The following RIMKLB variants were observed in gnomAD, a reference collection of about 807,000 sequenced individuals.
The protein encoded by RIMKLB is ribosomal modification protein rimK like family member B, also known as beta-citrylglutamate synthase B.
In RIMKLB, 7 loss-of-function variants were observed where a neutral mutation model predicts 32.0. The ratio of observed to expected loss-of-function variants is 0.22; its 90% CI spans 0.12 to 0.41. The LOEUF is 0.41. Among genes scored for constraint, RIMKLB ranks in the 10% least tolerant of loss-of-function variants. The pLI, the probability that RIMKLB is intolerant of heterozygous loss-of-function variation, is 1.00. For missense variants in RIMKLB, 289 were observed against 498.7 expected (o/e 0.58, Z 4.00); for synonymous variants, 172 against 185.1 (o/e 0.93, Z 0.57).
intron 4 of RIMKLB, among the ~76,000 whole-genome samples, 166 bp from the exon 5 acceptor site, chr12:8,753,724 A>G (rs1297306557): frequency 6.6e-6 from 1 of 152,138 alleles, no homozygotes; most frequent in Non-Finnish European, 1.5e-5. Flanking sequence ...GTCTTTATAT[A>G]TTTTTGTATT....
downstream of RIMKLB, chr12:8,779,013 T>C (rs2241026): frequency 3.5e-4 from 53 of 152,264 alleles, no homozygotes; most frequent in East Asian, 8.5e-3. Context: ...ATCTGTTGAA[T>C]TGGAATTTAC....
upstream of RIMKLB, among the ~76,000 whole-genome samples, chr12:8,693,632 A>G (rs1468343596): frequency 1.3e-5 from 2 of 151,984 alleles, no homozygotes; most frequent in African/African-American, 4.8e-5. Context: ...TCCCGACCTT[A>G]GGTGATCCGC....
At chr12:8,703,877 TACTC>T (rs1041692039) in intron 1 of RIMKLB, among the ~76,000 whole-genome samples, 3 of 152,230 alleles carry the variant, frequency 2.0e-5, no homozygotes, top group African/African-American at 7.2e-5. Flanking sequence ...TACATATAAT[TACTC>T]AGTATGTGAA....
intron 1 of RIMKLB, among the ~76,000 whole-genome samples, chr12:8,682,803 T>TAAAAAAAAAAA: frequency 7.6e-6 from 1 of 132,426 alleles, no homozygotes; most frequent in Non-Finnish European, 1.6e-5. Context: ...ATAAATAAAT[T>TAAAAAAAAAAA]AAAAAAAAAA....
chr12:8,766,627 A>G (rs1442773130), intron 5 of RIMKLB, among the ~76,000 whole-genome samples: 1 of 152,214 alleles, frequency 6.6e-6, no homozygotes, highest in African/African-American at 2.4e-5. Context: ...TGCTTCCACA[A>G]GATTCTCCCT....
At chr12:8,683,232 G>A (rs913741476) in intron 1 of RIMKLB, among the ~76,000 whole-genome samples, 4 of 152,170 alleles carry the variant, frequency 2.6e-5, no homozygotes, top group Non-Finnish European at 5.9e-5. Context: ...TCATGTGCAG[G>A]TTTTTGTGTG....
intron 1 of RIMKLB, among the ~76,000 whole-genome samples, chr12:8,703,756 C>G (rs1016007953): frequency 1.3e-5 from 2 of 152,180 alleles, no homozygotes; most frequent in Non-Finnish European, 2.9e-5. Flanking sequence ...AACAAGTTAT[C>G]TAACCTTTCT....
At chr12:8,752,682 C>T (rs1204328649) in intron 4 of RIMKLB, among the ~76,000 whole-genome samples, 1 of 152,020 alleles carries the variant, frequency 6.6e-6, no homozygotes, top group Non-Finnish European at 1.5e-5. Context: ...ATGAAAATAT[C>T]TTAATGACTT....
At chr12:8,715,246 T>TTTTTTTG (rs1555153656) in intron 2 of RIMKLB, among the ~76,000 whole-genome samples, 1 of 148,284 alleles carries the variant, frequency 6.7e-6, no homozygotes, top group Admixed American at 6.7e-5. Context: ...TTTTTTTTTT[T>TTTTTTTG]GGAGACAGGG....
chr12:8,701,216 G>A (rs1591633056), intron 1 of RIMKLB, among the ~76,000 whole-genome samples: 1 of 152,134 alleles, frequency 6.6e-6, no homozygotes, highest in East Asian at 1.9e-4. Flanking sequence ...TACAGATGTT[G>A]GAAATTGTCT....
At chr12:8,670,630 C>A in the RIMKLB span, among the ~76,000 whole-genome samples, 1 of 152,242 alleles carries the variant, frequency 6.6e-6, no homozygotes, top group Non-Finnish European at 1.5e-5. Context: ...GTGTCTGCAG[C>A]TTTTCCAGGC....
At chr12:8,685,396 A>G (rs891762723) in intron 1 of RIMKLB, among the ~76,000 whole-genome samples, 2 of 152,170 alleles carry the variant, frequency 1.3e-5, no homozygotes, top group African/African-American at 4.8e-5. Flanking sequence ...TTGTTTGATC[A>G]TGAATGGGTG....
At chr12:8,754,120 G>C (rs1214403547) in intron 5 of RIMKLB, 27 bp downstream of exon 5, 1 of 1,500,978 alleles carries the variant, frequency 6.7e-7, no homozygotes, top group Non-Finnish European at 9.3e-7. Flanking sequence ...TATCTTTCTA[G>C]TATATAAAGT....
chr12:8,677,766 T>C (rs1021510904), upstream of RIMKLB, among the ~76,000 whole-genome samples: 1 of 151,458 alleles, frequency 6.6e-6, no homozygotes, highest in Non-Finnish European at 1.5e-5. Context: ...TTTTCTTCTT[T>C]TTTTGAGACA....
At chr12:8,720,665 G>A (rs1197342494) in intron 2 of RIMKLB, among the ~76,000 whole-genome samples, 3 of 152,022 alleles carry the variant, frequency 2.0e-5, no homozygotes, top group Admixed American at 6.6e-5. Context: ...TCAGCCTCCC[G>A]AGTAGCTGGG....
At chr12:8,719,738 A>G (rs763754505) in intron 2 of RIMKLB, among the ~76,000 whole-genome samples, 4 of 152,354 alleles carry the variant, frequency 2.6e-5, no homozygotes, top group Non-Finnish European at 5.9e-5. Context: ...GAGATTCAAA[A>G]TAACTATTAC....
At chr12:8,759,518 C>T (rs187797871) in intron 5 of RIMKLB, among the ~76,000 whole-genome samples, 1 of 152,244 alleles carries the variant, frequency 6.6e-6, no homozygotes, top group African/African-American at 2.4e-5. Context: ...GTATTTTTCT[C>T]ACCATGAACG....
chr12:8,673,839 C>T, the RIMKLB span, among the ~76,000 whole-genome samples: 1 of 151,866 alleles, frequency 6.6e-6, no homozygotes, highest in Non-Finnish European at 1.5e-5. Context: ...TCAGGTGATC[C>T]GCCCGCTTTG....
chr12:8,739,421 G>T (rs1449149918), intron 2 of RIMKLB, among the ~76,000 whole-genome samples: 5 of 152,146 alleles, frequency 3.3e-5, no homozygotes, highest in Non-Finnish European at 7.3e-5. Context: ...GGACTCAAGT[G>T]ATCATCCCAC....
Sources: gnomAD v4.1 joint callset for allele counts (sites outside exome capture counted in the v4.1 genomes callset) on GRCh38, gnomAD v4.1.1 for gene constraint, MANE v1.5 for transcripts, NCBI Gene and HGNC (gene_info 2026-07-23, HGNC 2026-07-21) for gene names.